Variants in DPYD observed in about 807,000 individuals in gnomAD.
The protein encoded by DPYD is dihydropyrimidine dehydrogenase [NADP(+)].
In DPYD, 109 loss-of-function variants were observed where a neutral mutation model predicts 116.2. The observed-to-expected ratio is 0.94, with a 90% CI of 0.80 to 1.10. DPYD has a LOEUF of 1.10. Ranked by LOEUF, DPYD falls within the 50% of genes least tolerant of loss-of-function variation. The pLI is 0.00. For synonymous variants in DPYD, 440 were observed against 432.0 expected, an observed-to-expected ratio of 1.02 and a Z score of -0.23; for missense variants, 1,302 against 1,254.5, an observed-to-expected ratio of 1.04 and a Z score of -0.57.
In DPYD at chr1:97,841,960, ATATAT is replaced by A. The variant is rs375208266; in HGVS notation, c.151-13769_151-13765del. Among the ~76,000 whole-genome samples the A allele has an allele frequency of 2.2e-4, 33 of 151,964 alleles. No homozygotes were observed. In the South Asian group the frequency reaches 2.9e-3, roughly 13 times the overall value. ...TAGAAGTTCAAGGAATAAATAAAAA[ATATAT>A]TATATGTAGAATAAAAATTTGCATT... is the stretch of plus-strand genomic sequence containing the variant. On this transcript the variant is annotated intron_variant, in intron 2 of 22. Transcript: ENST00000370192.
chr1:97,300,526 G>T (rs771853224), intron 18 of DPYD, among the ~76,000 whole-genome samples: 9 of 152,166 alleles, frequency 5.9e-5, no homozygotes, highest in Middle Eastern at 3.4e-3. Context: ...GTAATGTGTG[G>T]TGTAAGAACT....
chr1:97,332,241 TC>T (rs1311289958), intron 16 of DPYD, among the ~76,000 whole-genome samples: 1 of 152,200 alleles, frequency 6.6e-6, no homozygotes, highest in Non-Finnish European at 1.5e-5. Context: ...CTGAGCTAGT[TC>T]TGCTTCTGTT....
In DPYD at chr1:97,515,840, A is replaced by C; in HGVS notation, c.1626T>G (p.Phe542Leu). ...DISVEMAGLK[F>L]INPFGLASAT... ...CGCTAGCAAGACCAAAAGGATTTAT[A>C]AACTTCAATCCGGCCATTTCTACAC... Residue 542 changes from phenylalanine (F) to leucine (L), a missense_variant, in exon 13 of 23, where the codon TTT (phenylalanine) becomes TTG (leucine). Coordinates refer to ENST00000370192, the MANE Select transcript of DPYD (RefSeq NM_000110.4). 1.2e-6 allele frequency: 2 copies of C among 1,612,964 alleles called. No homozygotes were observed. Among genetic ancestry groups the C allele is most frequent in the South Asian group, 2.2e-5 (2 of 91,066 alleles).
At chr1:97,199,907 G>C (rs901588809) in intron 19 of DPYD, among the ~76,000 whole-genome samples, 1 of 152,158 alleles carries the variant, frequency 6.6e-6, no homozygotes, top group African/African-American at 2.4e-5. Context: ...AGAATTTCAA[G>C]TGCCTGGCAG....
chr1:97,372,544 T>C (rs1416910344), intron 16 of DPYD, among the ~76,000 whole-genome samples: 1 of 152,184 alleles, frequency 6.6e-6, no homozygotes. Context: ...TAGACCCTCC[T>C]TTCTTGTTGT....
chr1:97,088,187 A>G (rs887936656), intron 21 of DPYD, among the ~76,000 whole-genome samples: 2 of 152,228 alleles, frequency 1.3e-5, no homozygotes, highest in African/African-American at 4.8e-5. Context: ...GTTGCTGACT[A>G]TAAGATAATA....
Position 97,915,880 on chromosome 1 carries a change from C to CA in DPYD, c.39+5003_39+5004insT, listed in dbSNP as rs1302791674. 2.6e-5 allele frequency among the ~76,000 whole-genome samples: 4 copies of CA among 152,070 alleles called. No homozygotes were observed. In the East Asian group the frequency reaches 7.7e-4, roughly 29 times the overall value. ...ATTATATCAAATCTCATCAGATTTT[C>CA]TTTGTCATGATATTTTACGACAATC... On this transcript the variant is annotated intron_variant, in intron 1 of 22. Coordinates refer to ENST00000370192, the MANE Select transcript of DPYD (RefSeq NM_000110.4).
chr1:97,305,490 G>A (rs1245221903), intron 17 of DPYD, 112 bp from the exon 18 acceptor site: 3 of 1,411,684 alleles, frequency 2.1e-6, no homozygotes, highest in South Asian at 1.2e-5. Flanking sequence ...TTGAGAACAT[G>A]TCTTCTCCTC....
intron 16 of DPYD, among the ~76,000 whole-genome samples, chr1:97,323,254 T>TA (rs1491230922): frequency 1.5e-4 from 15 of 98,146 alleles, no homozygotes; most frequent in African/African-American, 4.3e-4. Flanking sequence ...ATTTATATAC[T>TA]TATATACATA....
At chr1:97,146,220 T>C (rs1290270562) in intron 20 of DPYD, among the ~76,000 whole-genome samples, 1 of 152,192 alleles carries the variant, frequency 6.6e-6, no homozygotes, top group African/African-American at 2.4e-5. Flanking sequence ...ATAGTTTGTA[T>C]AAGAAAACTA....
chr1:97,095,415 A>T (rs1650169787), intron 21 of DPYD, among the ~76,000 whole-genome samples: 1 of 152,114 alleles, frequency 6.6e-6, no homozygotes, highest in South Asian at 2.1e-4. Flanking sequence ...GGAAAAAAAT[A>T]AAGTTATAAC....
At chr1:97,680,799 T>A (rs991337341) in intron 7 of DPYD, among the ~76,000 whole-genome samples, 8 of 152,132 alleles carry the variant, frequency 5.3e-5, no homozygotes, top group Non-Finnish European at 8.8e-5. Context: ...ATGAACTCTA[T>A]AATCAGGGAC....
intron 19 of DPYD, among the ~76,000 whole-genome samples, chr1:97,206,641 TA>T (rs1659625451): frequency 7.6e-5 from 1 of 13,118 alleles, no homozygotes. Flanking sequence ...GGAGATTTTA[TA>T]TATATATATA....
intron 8 of DPYD, among the ~76,000 whole-genome samples, chr1:97,670,598 T>C (rs528166090): frequency 1.1e-4 from 17 of 152,264 alleles, no homozygotes; most frequent in Middle Eastern, 3.4e-3. Flanking sequence ...AGAAAATAAA[T>C]GTTTGTTATT....
At chr1:97,626,174 C>T (rs144499602) in intron 8 of DPYD, among the ~76,000 whole-genome samples, 293 of 152,068 alleles carry the variant, frequency 1.9e-3, no homozygotes, top group African/African-American at 6.9e-3. Flanking sequence ...GTATTTCCCA[C>T]GGTGCCAAGT....
At chr1:97,570,029 T>C (rs534053715) in intron 11 of DPYD, among the ~76,000 whole-genome samples, 1 of 152,130 alleles carries the variant, frequency 6.6e-6, no homozygotes, top group African/African-American at 2.4e-5. Flanking sequence ...TACTTATCTT[T>C]TCTATAAGCT....
intron 16 of DPYD, among the ~76,000 whole-genome samples, chr1:97,319,203 C>T (rs1668072188): frequency 6.8e-6 from 1 of 147,542 alleles, no homozygotes; most frequent in Non-Finnish European, 1.5e-5. Context: ...CATTCAAAAG[C>T]TAGCAGAAGG....
intron 20 of DPYD, among the ~76,000 whole-genome samples, chr1:97,167,485 C>A (rs1053791091): frequency 6.6e-6 from 1 of 152,014 alleles, no homozygotes; most frequent in African/African-American, 2.4e-5. Flanking sequence ...CAAATTATAT[C>A]CACAGGGAGT....
At chr1:97,183,963 T>C (rs913021567) in intron 20 of DPYD, among the ~76,000 whole-genome samples, 4 of 152,114 alleles carry the variant, frequency 2.6e-5, no homozygotes, top group African/African-American at 9.7e-5. Context: ...TTCCCTATTT[T>C]GTGTCCTTGT....
Sources: allele counts gnomAD v4.1 joint callset (sites outside exome capture counted in the v4.1 genomes callset), GRCh38; gene constraint gnomAD v4.1.1; transcripts MANE v1.5; gene names NCBI Gene and HGNC (gene_info 2026-07-23, HGNC 2026-07-21).